RNASEK: variants seen among roughly 807,000 people sequenced by gnomAD.
The protein encoded by RNASEK is ribonuclease kappa.
Under a neutral mutation model 11.2 loss-of-function variants are expected in RNASEK, and 7 were observed. The observed-to-expected ratio is 0.62, with a 90% CI of 0.35 to 1.17. The LOEUF is 1.17. Ranked by LOEUF, RNASEK falls within the 50% of genes most tolerant of loss-of-function variation. RNASEK has a pLI of 0.02. For missense variants in RNASEK, 101 were observed against 126.7 expected, an observed-to-expected ratio of 0.80 and a Z score of 0.97; for synonymous variants, 46 against 49.5, an observed-to-expected ratio of 0.93 and a Z score of 0.30.
At position 7,012,763 on chromosome 17, in the gene RNASEK, T is replaced by G; in HGVS notation, c.78+2T>G. Reference sequence around the variant, plus strand: ...AGCGCCTGGGGAGTGATCATGTTGGTGAGGGGACTCCCCGGCAAGGATCGG... The same window carrying G: ...AGCGCCTGGGGAGTGATCATGTTGGGGAGGGGACTCCCCGGCAAGGATCGG... On this transcript the variant is annotated splice_donor_variant, in intron 1 of 2. Coordinates refer to ENST00000593646, the MANE Select transcript of RNASEK (RefSeq NM_001004333.5). LOFTEE classifies it high-confidence loss of function. The G allele has an allele frequency of 6.2e-7, 1 of 1,612,086 alleles. No homozygotes were observed. The highest frequency in any genetic ancestry group is 8.5e-7 in the Non-Finnish European group (1 of 1,179,558).
At chr17:7,013,091 C>T (rs941892544) in intron 1 of RNASEK, 2 of 450,902 alleles carry the variant, frequency 4.4e-6, no homozygotes, top group Admixed American at 7.9e-5. Flanking sequence ...CGCCACTGCA[C>T]TCCAGCCTGG....
chr17:7,013,671 G>A lies in RNASEK; in HGVS notation c.84G>A (p.Met28Ile), dbSNP rs779916309. 6.2e-6 allele frequency: 10 copies of A among 1,613,490 alleles called. No homozygotes were observed. The East Asian group carries it at 2.0e-4, about 32-fold the overall frequency. Reference sequence around the variant, plus strand: ...TACCCATTCCCCTTTTCCAGATAATGCTCGGAATATTTTTCAATGTCCATT... The same window carrying A: ...TACCCATTCCCCTTTTCCAGATAATACTCGGAATATTTTTCAATGTCCATT... Reference protein sequence around the residue: ...LSAWGVIMLIMLGIFFNVHSA... With the variant: ...LSAWGVIMLIILGIFFNVHSA... Residue 28 changes from methionine (M) to isoleucine (I), a missense_variant, in exon 2 of 3, where the codon ATG becomes ATA. Physicochemically the swap from Met to Ile is conservative, Grantham distance 10. Coordinates refer to ENST00000593646, the MANE Select transcript of RNASEK (RefSeq NM_001004333.5).
In RNASEK at chr17:7,014,044, T is replaced by C. The variant is rs1909631326; in HGVS notation, c.156-101T>C. 1 of 1,091,272 alleles carries C rather than the reference T, an allele frequency of 9.2e-7. No individual in the cohort carries two copies. Among genetic ancestry groups the C allele is most frequent in the East Asian group, 2.6e-5 (1 of 38,604 alleles). 67.6% of individuals were successfully genotyped at this position (1,091,272 alleles called of 1,614,324 possible). The stretch of plus-strand genomic sequence containing the variant: ...GGATGGTCAAGAAGATTGAATAAAG[T>C]AATACACGTAACAGCGCCTAAACAG... On this transcript the variant is annotated intron_variant, in intron 2 of 2. Coordinates refer to ENST00000593646, the MANE Select transcript of RNASEK (RefSeq NM_001004333.5). The surrounding 1 kb of genome is among the most constrained non-coding windows in gnomAD (Gnocchi z 4.5).
rs777586110 is a variant in RNASEK at position 7,014,242 on chromosome 17, T to C, written c.253T>C (p.Cys85Arg). ...CCTCCTCCTCGGAGGCTTCTCTTTC[T>C]GCCAAGTTCGGCTCAATAAGCGCAA... ...LYLLLGGFSFCQVRLNKRKEY... is the reference protein window; with the variant it reads ...LYLLLGGFSFRQVRLNKRKEY... Residue 85 changes from cysteine (C) to arginine (R), a missense_variant, in exon 3 of 3, where the codon TGC becomes CGC. Coordinates refer to ENST00000593646, the MANE Select transcript of RNASEK (RefSeq NM_001004333.5). This position sits in a 1 kb window ranked among gnomAD's most constrained non-coding sequence, Gnocchi z 4.5. 1.2e-6 allele frequency: 2 copies of C among 1,613,430 alleles called. No homozygotes were observed. The highest frequency in any genetic ancestry group is 8.5e-7 in the Non-Finnish European group (1 of 1,179,714).
At position 7,014,197 on chromosome 17, in the gene RNASEK, T is replaced by G. The variant is rs1470783215; in HGVS notation, c.208T>G (p.Phe70Val). The G allele has an allele frequency of 1.3e-6, 2 of 1,597,454 alleles. No individual in the cohort carries two copies. The highest frequency in any genetic ancestry group is 2.3e-5 in the South Asian group (2 of 88,480). Reference sequence around the variant, plus strand: ...TTACGAGCAAGTCAGCTACAACTGTTTCATCGCTGCAGGCCTTTACCTCCT... The same window carrying G: ...TTACGAGCAAGTCAGCTACAACTGTGTCATCGCTGCAGGCCTTTACCTCCT... ...NLYEQVSYNC[F>V]IAAGLYLLLG... The change falls in exon 3 of 3, where the codon TTC becomes GTC. Residue 70 changes from phenylalanine (F) to valine (V), a missense_variant. Phe to Val is a conservative substitution (Grantham distance 50). Coordinates refer to ENST00000593646, the MANE Select transcript of RNASEK (RefSeq NM_001004333.5). This position sits in a 1 kb window ranked among gnomAD's most constrained non-coding sequence, Gnocchi z 4.5.
intron 1 of RNASEK, chr17:7,013,214 G>A: frequency 1.2e-6 from 1 of 830,682 alleles, no homozygotes; most frequent in Non-Finnish European, 1.8e-6. Flanking sequence ...CAAGGTAGGA[G>A]AAACAAGAGC....
chr17:7,012,777 G>T lies in RNASEK; in HGVS notation c.78+16G>T, dbSNP rs369686895. ...GATCATGTTGGTGAGGGGACTCCCCGGCAAGGATCGGAGAGGGCCTGAGGG... is the reference window on the plus strand; with the variant it reads ...GATCATGTTGGTGAGGGGACTCCCCTGCAAGGATCGGAGAGGGCCTGAGGG... On this transcript the variant is annotated intron_variant, in intron 1 of 2. Transcript: ENST00000593646. 2 of 1,609,634 alleles carry T rather than the reference G, an allele frequency of 1.2e-6. No individual in the cohort carries two copies. The highest frequency in any genetic ancestry group is 1.7e-5 in the Admixed American group (1 of 59,962).
In RNASEK at chr17:7,014,018, A is replaced by T. The variant is rs1007762344; in HGVS notation, c.156-127A>T. 19 of 909,828 alleles carry T rather than the reference A, an allele frequency of 2.1e-5. No homozygotes were observed. The highest frequency in any genetic ancestry group is 3.2e-5 in the Non-Finnish European group (19 of 584,816). The allele number at this position is 909,828 out of a possible 1,614,324, so 56.4% of individuals were successfully genotyped here. The stretch of plus-strand genomic sequence containing the variant: ...ATGGCTATGACAGATCTCACCCCAT[A>T]GGATGGTCAAGAAGATTGAATAAAG... On this transcript the variant is annotated intron_variant, in intron 2 of 2. Transcript: ENST00000593646. This position sits in a 1 kb window ranked among gnomAD's most constrained non-coding sequence, Gnocchi z 4.5.
intron 1 of RNASEK, 166 bp from the exon 2 acceptor site, chr17:7,013,500 C>A: frequency 6.4e-7 from 1 of 1,571,096 alleles, no homozygotes. Context: ...ATGTCACCAC[C>A]TCACGCCCTG....
At position 7,014,142 on chromosome 17, in the gene RNASEK, C is replaced by CA. The variant is rs770804036; in HGVS notation, c.156-2dup. Reference sequence around the variant, plus strand: ...GACCCCTTTGCTTCATTCCCACCCCCAGGAATGGCCCCCAGAACATATACA... The same window carrying CA: ...GACCCCTTTGCTTCATTCCCACCCCCAAGGAATGGCCCCCAGAACATATACA... On this transcript the variant is annotated splice_polypyrimidine_tract_variant and splice_region_variant and intron_variant, in intron 2 of 2. Transcript: ENST00000593646. The surrounding 1 kb of genome is among the most constrained non-coding windows in gnomAD (Gnocchi z 4.5). 6.4e-7 allele frequency: 1 copy of CA among 1,553,732 alleles called. No homozygotes were observed. The highest frequency in any genetic ancestry group is 8.7e-7 in the Non-Finnish European group (1 of 1,147,982).
Position 7,014,107 on chromosome 17 carries a change from A to G in RNASEK, c.156-38A>G. ...TAGTGCTCAGAAAATGTTGGCTCCT[A>G]TTAAAGTTTGACCCCTTTGCTTCAT... On this transcript the variant is annotated intron_variant, in intron 2 of 2. Coordinates refer to ENST00000593646, the MANE Select transcript of RNASEK (RefSeq NM_001004333.5). This position sits in a 1 kb window ranked among gnomAD's most constrained non-coding sequence, Gnocchi z 4.5. The G allele has an allele frequency of 1.9e-6, 3 of 1,548,560 alleles. No individual in the cohort carries two copies. Among genetic ancestry groups the G allele is most frequent in the Non-Finnish European group, 2.6e-6 (3 of 1,144,150 alleles).
At position 7,014,364 on chromosome 17, in the gene RNASEK, ACCCTTGCCGGCG is replaced by A; in HGVS notation, c.*83_*94del. The A allele has an allele frequency of 2.0e-6, 3 of 1,510,804 alleles. No individual in the cohort carries two copies. The highest frequency in any genetic ancestry group is 1.8e-6 in the Non-Finnish European group (2 of 1,103,756). 93.6% of individuals were successfully genotyped at this position (1,510,804 alleles called of 1,614,324 possible). A position where few individuals can be genotyped will look rare whatever the true frequency, so the allele number is the denominator to read the frequency against. ...CACCGTGTCACCCAGGTCGCGTCCCACCCTTGCCGGCGCCCTCTGCGGGACTGGGTTTCCCGG... is the reference window on the plus strand; with the variant it reads ...CACCGTGTCACCCAGGTCGCGTCCCACCCTCTGCGGGACTGGGTTTCCCGG... On this transcript the variant is annotated 3_prime_UTR_variant, in exon 3 of 3. Transcript: ENST00000593646. This position sits in a 1 kb window ranked among gnomAD's most constrained non-coding sequence, Gnocchi z 4.5.
In RNASEK at chr17:7,014,467, G is replaced by A. The variant is rs1415470955; in HGVS notation, c.*181G>A. The A allele has an allele frequency of 1.5e-6, 1 of 649,720 alleles. No individual in the cohort carries two copies. Among genetic ancestry groups the A allele is most frequent in the Non-Finnish European group, 2.6e-6 (1 of 380,336 alleles). The allele number at this position is 649,720 out of a possible 1,614,324, so 40.2% of individuals were successfully genotyped here. A position where few individuals can be genotyped will look rare whatever the true frequency, so the allele number is the denominator to read the frequency against. ...CCCCGTGGAGAGGGCTGAGGCTGGG[G>A]GGCTGTTCCGTTTCTCCACCCTTCG... On this transcript the variant is annotated 3_prime_UTR_variant, in exon 3 of 3. Coordinates refer to ENST00000593646, the MANE Select transcript of RNASEK (RefSeq NM_001004333.5). This position sits in a 1 kb window ranked among gnomAD's most constrained non-coding sequence, Gnocchi z 4.5.
At chr17:7,013,770 TG>T in intron 2 of RNASEK, 28 bp downstream of exon 2, 1 of 931,544 alleles carries the variant, frequency 1.1e-6, no homozygotes, top group Non-Finnish European at 1.7e-6. Flanking sequence ...GGAGGCGGGC[TG>T]GGAGCAGGTG....
chr17:7,014,415 TCC>T lies in RNASEK; in HGVS notation c.*131_*132del. ...TGGGTTTCCCGGGCGAGAGACTGAA[TCC>T]CTTCTCCCATCTCTGGCATCCGGCC... On this transcript the variant is annotated 3_prime_UTR_variant, in exon 3 of 3. Coordinates refer to ENST00000593646, the MANE Select transcript of RNASEK (RefSeq NM_001004333.5). The surrounding 1 kb of genome is among the most constrained non-coding windows in gnomAD (Gnocchi z 4.5). 1 of 955,522 alleles carries T rather than the reference TCC, an allele frequency of 1.0e-6. No homozygotes were observed. Among genetic ancestry groups the T allele is most frequent in the South Asian group, 1.6e-5 (1 of 62,948 alleles). 59.2% of individuals were successfully genotyped at this position (955,522 alleles called of 1,614,324 possible). A position where few individuals can be genotyped will look rare whatever the true frequency, so the allele number is the denominator to read the frequency against.
At position 7,014,416 on chromosome 17, in the gene RNASEK, C is replaced by G. The variant is rs1207249250; in HGVS notation, c.*130C>G. On this transcript the variant is annotated 3_prime_UTR_variant, in exon 3 of 3. Transcript: ENST00000593646. The surrounding 1 kb of genome is among the most constrained non-coding windows in gnomAD (Gnocchi z 4.5). ...GGGTTTCCCGGGCGAGAGACTGAAT[C>G]CCTTCTCCCATCTCTGGCATCCGGC... is the stretch of plus-strand genomic sequence containing the variant. 4.2e-6 allele frequency: 4 copies of G among 955,342 alleles called. No homozygotes were observed. Among genetic ancestry groups the G allele is most frequent in the Non-Finnish European group, 6.2e-6 (4 of 642,844 alleles). The allele number at this position is 955,342 out of a possible 1,614,324, so 59.2% of individuals were successfully genotyped here. A position where few individuals can be genotyped will look rare whatever the true frequency, so the allele number is the denominator to read the frequency against.
chr17:7,013,783 G>T, intron 2 of RNASEK, 41 bp downstream of exon 2: 2 of 1,389,538 alleles, frequency 1.4e-6, no homozygotes, highest in South Asian at 1.2e-5. Context: ...GAGCAGGTGG[G>T]AGGTGGCGAG....
In RNASEK at chr17:7,012,634, A is replaced by G. The variant is rs897548572; in HGVS notation, c.-50A>G. 4.4e-6 allele frequency: 7 copies of G among 1,605,646 alleles called. No individual in the cohort carries two copies. Among genetic ancestry groups the G allele is most frequent in the African/African-American group, 1.3e-5 (1 of 74,818 alleles). On this transcript the variant is annotated 5_prime_UTR_variant, in exon 1 of 3. Transcript: ENST00000593646. ...GCGAGGGCATCCTGGGCTTTCTCCC[A>G]CCGCTTTCCGAGCCCGCTTGCACCT...
At position 7,014,417 on chromosome 17, in the gene RNASEK, C is replaced by A; in HGVS notation, c.*131C>A. On this transcript the variant is annotated 3_prime_UTR_variant, in exon 3 of 3. Coordinates refer to ENST00000593646, the MANE Select transcript of RNASEK (RefSeq NM_001004333.5). The surrounding 1 kb of genome is among the most constrained non-coding windows in gnomAD (Gnocchi z 4.5). ...GGTTTCCCGGGCGAGAGACTGAATC[C>A]CTTCTCCCATCTCTGGCATCCGGCC... The A allele has an allele frequency of 4.2e-6, 4 of 946,266 alleles. No individual in the cohort carries two copies. The highest frequency in any genetic ancestry group is 6.3e-6 in the Non-Finnish European group (4 of 636,440). 58.6% of individuals were successfully genotyped at this position (946,266 alleles called of 1,614,324 possible). A position where few individuals can be genotyped will look rare whatever the true frequency, so the allele number is the denominator to read the frequency against.
Sources: allele counts gnomAD v4.1 joint callset, GRCh38; gene constraint gnomAD v4.1.1; non-coding constraint Gnocchi (gnomAD v3.1); transcripts MANE v1.5; gene names NCBI Gene and HGNC (gene_info 2026-07-23, HGNC 2026-07-21).